The following FRMD5 variants were observed in gnomAD, a reference collection of about 807,000 sequenced individuals.
FRMD5 encodes FERM domain containing 5, also known as FERM domain-containing protein 5.
A neutral mutation model predicts 69.0 loss-of-function variants in FRMD5; 20 were observed. That is an observed-to-expected ratio of 0.29 (90% CI 0.20 to 0.42). The LOEUF (loss-of-function observed/expected upper bound fraction) is 0.42. Among genes scored for constraint, FRMD5 ranks in the 10% least tolerant of loss-of-function variants. The pLI, the probability that FRMD5 is intolerant of heterozygous loss-of-function variation, is 1.00. For synonymous variants in FRMD5, 271 were observed against 260.1 expected (o/e 1.04, Z -0.40); for missense variants, 595 against 708.6 (o/e 0.84, Z 1.82).
chr15:44,026,672 AT>A (rs2140270152), intron 1 of FRMD5, among the ~76,000 whole-genome samples: 1 of 152,316 alleles, frequency 6.6e-6, no homozygotes, highest in East Asian at 1.9e-4. Flanking sequence ...TGATGAAATG[AT>A]TTTTCTCAAA....
At chr15:43,982,100 C>T (rs933259290) in intron 1 of FRMD5, among the ~76,000 whole-genome samples, 4 of 152,184 alleles carry the variant, frequency 2.6e-5, no homozygotes, top group African/African-American at 4.8e-5. Context: ...ATGATGTTCT[C>T]TCTATTGGGG....
intron 1 of FRMD5, among the ~76,000 whole-genome samples, chr15:44,125,968 C>CT (rs1299908233): frequency 6.6e-6 from 1 of 152,180 alleles, no homozygotes; most frequent in Non-Finnish European, 1.5e-5. Context: ...TGTAAGTAGT[C>CT]TTATCGGTAA....
chr15:43,987,220 A>G (rs1457116726), intron 1 of FRMD5, among the ~76,000 whole-genome samples: 1 of 152,216 alleles, frequency 6.6e-6, no homozygotes, highest in African/African-American at 2.4e-5. Context: ...TCTAACTTTA[A>G]ATCAAAACCT....
At chr15:44,129,576 C>T (rs1189108685) in intron 1 of FRMD5, among the ~76,000 whole-genome samples, 3 of 152,228 alleles carry the variant, frequency 2.0e-5, no homozygotes, top group East Asian at 1.9e-4. Flanking sequence ...AGGTTCTCTG[C>T]AGTCCCCAGA....
chr15:44,191,925 T>C (rs913750928), intron 1 of FRMD5, among the ~76,000 whole-genome samples: 2 of 52,576 alleles, frequency 3.8e-5, no homozygotes, highest in South Asian at 4.4e-4. Flanking sequence ...ATATATATTA[T>C]ATATATATAT....
chr15:44,069,743 A>G (rs1893455926), intron 1 of FRMD5, among the ~76,000 whole-genome samples: 1 of 152,164 alleles, frequency 6.6e-6, no homozygotes, highest in South Asian at 2.1e-4. Flanking sequence ...TGCAAGCATC[A>G]TTGTCAGTAT....
At chr15:44,109,070 C>G (rs571741674) in intron 1 of FRMD5, among the ~76,000 whole-genome samples, 1 of 152,168 alleles carries the variant, frequency 6.6e-6, no homozygotes, top group Admixed American at 6.5e-5. Context: ...TAGTGCCCGG[C>G]CCATAATATG....
chr15:44,114,682 GAATT>G (rs2140609584), intron 1 of FRMD5, among the ~76,000 whole-genome samples: 1 of 152,228 alleles, frequency 6.6e-6, no homozygotes, highest in Admixed American at 6.5e-5. Flanking sequence ...GAAAATCACA[GAATT>G]ATATACACTT....
chr15:44,038,818 G>A (rs1008194143), intron 1 of FRMD5, among the ~76,000 whole-genome samples: 1 of 152,054 alleles, frequency 6.6e-6, no homozygotes, highest in Non-Finnish European at 1.5e-5. Context: ...ACAGTGCACT[G>A]CGGCCCAGAT....
intron 1 of FRMD5, among the ~76,000 whole-genome samples, chr15:44,018,779 C>T (rs1286220458): frequency 1.3e-5 from 2 of 152,160 alleles, no homozygotes; most frequent in African/African-American, 4.8e-5. Context: ...TCTCCTTGTC[C>T]TCCATGTTTT....
At chr15:44,122,494 G>A (rs1027138964) in intron 1 of FRMD5, among the ~76,000 whole-genome samples, 10 of 152,100 alleles carry the variant, frequency 6.6e-5, no homozygotes, top group Admixed American at 4.6e-4. Context: ...CAGGAAGATC[G>A]CTTGAGCCTG....
intron 1 of FRMD5, among the ~76,000 whole-genome samples, chr15:44,169,602 T>C (rs1254584802): frequency 6.6e-6 from 1 of 152,120 alleles, no homozygotes; most frequent in Non-Finnish European, 1.5e-5. Context: ...TCCCAGAAGA[T>C]GTGGGGTCAG....
chr15:44,099,186 G>A (rs933770059), intron 1 of FRMD5, among the ~76,000 whole-genome samples: 2 of 152,188 alleles, frequency 1.3e-5, no homozygotes. Flanking sequence ...CGGGAAATTA[G>A]TATGCACATG....
In FRMD5 at chr15:43,871,397, G is replaced by A. The variant is rs189146972; in HGVS notation, c.*2488C>T. 1.8e-4 allele frequency: 27 copies of A among 152,330 alleles called. No homozygotes were observed. Among genetic ancestry groups the A allele is most frequent in the African/African-American group, 6.5e-4 (27 of 41,570 alleles). 9.4% of individuals were successfully genotyped at this position (152,330 alleles called of 1,614,324 possible). The stretch of plus-strand genomic sequence containing the variant: ...TCTGTCTCTAATGTGAATATGAAAG[G>A]TCAGAGTTGAGGCTATCACTCACTG... On this transcript the variant is annotated 3_prime_UTR_variant, in exon 14 of 14. Coordinates refer to ENST00000417257, the MANE Select transcript of FRMD5 (RefSeq NM_032892.5).
At position 44,058,123 on chromosome 15, in the gene FRMD5, G is replaced by C. The variant is rs1892945142; in HGVS notation, c.103-133814C>G. 2.0e-5 allele frequency among the ~76,000 whole-genome samples: 3 copies of C among 152,026 alleles called. No homozygotes were observed. In the South Asian group the frequency reaches 6.2e-4, roughly 32 times the overall value. On this transcript the variant is annotated intron_variant, in intron 1 of 13. Coordinates refer to ENST00000417257, the MANE Select transcript of FRMD5 (RefSeq NM_032892.5). Reference sequence around the variant, plus strand: ...AAATCTCACAAATCCAATAAAACCAGGCCACAGAAGGACTTATGAGAATTA... The same window carrying C: ...AAATCTCACAAATCCAATAAAACCACGCCACAGAAGGACTTATGAGAATTA...
intron 1 of FRMD5, among the ~76,000 whole-genome samples, chr15:44,071,569 C>T (rs972333214): frequency 3.3e-5 from 5 of 152,204 alleles, no homozygotes; most frequent in Admixed American, 6.5e-5. Context: ...CCTTGCTTTA[C>T]GGTGAGCTTA....
chr15:43,975,759 A>G (rs1164485362), intron 1 of FRMD5, among the ~76,000 whole-genome samples: 1 of 152,240 alleles, frequency 6.6e-6, no homozygotes, highest in Non-Finnish European at 1.5e-5. Context: ...TTTTGTAGAA[A>G]CTAGCAAATG....
chr15:44,172,578 A>G (rs1200160372), intron 1 of FRMD5, among the ~76,000 whole-genome samples: 1 of 152,174 alleles, frequency 6.6e-6, no homozygotes, highest in African/African-American at 2.4e-5. Flanking sequence ...ACTAGCCTCT[A>G]GTTTCAAAAA....
intron 1 of FRMD5, among the ~76,000 whole-genome samples, chr15:44,057,347 C>T (rs1448532743): frequency 4.0e-5 from 6 of 151,854 alleles, no homozygotes; most frequent in African/African-American, 1.2e-4. Context: ...CTCAAGTGAT[C>T]CACCTGCCTC....
Sources: allele counts gnomAD v4.1 joint callset (sites outside exome capture counted in the v4.1 genomes callset), GRCh38; gene constraint gnomAD v4.1.1; transcripts MANE v1.5; gene names NCBI Gene and HGNC (gene_info 2026-07-23, HGNC 2026-07-21).